The following SLF1 variants were observed in gnomAD, a reference collection of about 807,000 sequenced individuals.
SLF1 encodes SMC5-SMC6 complex localization factor protein 1.
Under a neutral mutation model 123.0 loss-of-function variants are expected in SLF1, and 105 were observed. The observed-to-expected ratio is 0.85, with a 90% CI of 0.73 to 1.00. SLF1 has a LOEUF of 1.00. Ranked by LOEUF, SLF1 falls within the 50% of genes least tolerant of loss-of-function variation. The pLI is 0.00. For missense variants in SLF1, 1,239 were observed against 1,223.0 expected, an observed-to-expected ratio of 1.01 and a Z score of -0.20; for synonymous variants, 434 against 406.6, an observed-to-expected ratio of 1.07 and a Z score of -0.81.
chr5:94,645,120 A>G (rs947566527), intron 5 of SLF1, among the ~76,000 whole-genome samples: 1 of 152,168 alleles, frequency 6.6e-6, no homozygotes, highest in African/African-American at 2.4e-5. Flanking sequence ...ATTTGAACCA[A>G]TTCTGATCAA....
intron 4 of SLF1, among the ~76,000 whole-genome samples, chr5:94,642,046 C>T (rs1746508051): frequency 6.6e-6 from 1 of 152,202 alleles, no homozygotes; most frequent in Non-Finnish European, 1.5e-5. Flanking sequence ...TTTTCCTAAC[C>T]CTTGCCTAAG....
rs147780769 is a variant in SLF1 at position 94,682,498 on chromosome 5, A to G, written c.1975+3543A>G. 6.2e-3 allele frequency among the ~76,000 whole-genome samples: 947 copies of G among 152,290 alleles called. 12 individuals carry two copies. The highest frequency in any genetic ancestry group is 9.6e-3 in the Non-Finnish European group (650 of 68,024). ...TGAAGATATCGGTCCATCTTTCTCA[A>G]TTATGGTAAACTGGATGTTCTAATA... On this transcript the variant is annotated intron_variant, in intron 15 of 20. Coordinates refer to ENST00000265140, the MANE Select transcript of SLF1 (RefSeq NM_032290.4).
In SLF1 at chr5:94,645,405, G is replaced by A. The variant is rs188203670; in HGVS notation, c.594+1970G>A. On this transcript the variant is annotated intron_variant, in intron 5 of 20. Coordinates refer to ENST00000265140, the MANE Select transcript of SLF1 (RefSeq NM_032290.4). ...CGATTAGATCACATTGCTTTTCTGTGTGGTAATTCATTTCCATGTTGTTTA... is the reference window on the plus strand; with the variant it reads ...CGATTAGATCACATTGCTTTTCTGTATGGTAATTCATTTCCATGTTGTTTA... Among the ~76,000 whole-genome samples the A allele has an allele frequency of 3.2e-4, 48 of 152,238 alleles. No individual in the cohort carries two copies. The East Asian group carries it at 8.1e-3, about 26-fold the overall frequency.
At chr5:94,630,012 C>G (rs1745034215) in intron 3 of SLF1, among the ~76,000 whole-genome samples, 1 of 152,076 alleles carries the variant, frequency 6.6e-6, no homozygotes, top group South Asian at 2.1e-4. Context: ...ATAAAATGAC[C>G]TGAAAAATTC....
At chr5:94,676,255 C>T (rs1652082067) in intron 14 of SLF1, among the ~76,000 whole-genome samples, 1 of 152,076 alleles carries the variant, frequency 6.6e-6, no homozygotes, top group African/African-American at 2.4e-5. Context: ...CTCTTGATAA[C>T]AGTGAGAAGT....
intron 15 of SLF1, among the ~76,000 whole-genome samples, chr5:94,680,115 T>TTA (rs1751593160): frequency 6.6e-6 from 1 of 152,204 alleles, no homozygotes; most frequent in Non-Finnish European, 1.5e-5. Context: ...TATCTTGATT[T>TTA]TATATAAAGA....
At chr5:94,629,358 T>C (rs1422131321) in intron 3 of SLF1, among the ~76,000 whole-genome samples, 191 bp downstream of exon 3, 1 of 152,104 alleles carries the variant, frequency 6.6e-6, no homozygotes, top group Non-Finnish European at 1.5e-5. Context: ...ATGAAAAATG[T>C]ATTAAATAGG....
At chr5:94,663,230 G>A (rs188357796) in intron 10 of SLF1, among the ~76,000 whole-genome samples, 3 of 152,190 alleles carry the variant, frequency 2.0e-5, no homozygotes, top group African/African-American at 7.2e-5. Context: ...GAAGGCAACA[G>A]AAAATAATTA....
chr5:94,627,588 A>ATATG (rs1561418884), intron 1 of SLF1, among the ~76,000 whole-genome samples: 1 of 74,564 alleles, frequency 1.3e-5, no homozygotes, highest in African/African-American at 7.2e-5. Flanking sequence ...AAATTAACAT[A>ATATG]TATATATATA....
chr5:94,681,544 T>C (rs1446232486), intron 15 of SLF1, among the ~76,000 whole-genome samples: 1 of 152,212 alleles, frequency 6.6e-6, no homozygotes, highest in East Asian at 1.9e-4. Context: ...ATGTGCACAA[T>C]GTGCAGGTAA....
intron 14 of SLF1, among the ~76,000 whole-genome samples, chr5:94,673,984 T>G (rs1750768411): frequency 6.6e-6 from 1 of 152,008 alleles, no homozygotes; most frequent in Admixed American, 6.6e-5. Flanking sequence ...AAGTATAATT[T>G]TGCAAATTAC....
chr5:94,625,718 G>A (rs1389960885), intron 1 of SLF1, among the ~76,000 whole-genome samples: 1 of 152,036 alleles, frequency 6.6e-6, no homozygotes, highest in Non-Finnish European at 1.5e-5. Context: ...TTTGCTTAAA[G>A]GATTTAAAGA....
chr5:94,668,082 T>C lies in SLF1; in HGVS notation c.1532+2058T>C, dbSNP rs189974633. ...CACTTCTCTTCTCTCTTCTCTCCTC[T>C]CTCCTCTCCTCTCTTCTCCTTTGTC... On this transcript the variant is annotated intron_variant, in intron 12 of 20. Coordinates refer to ENST00000265140, the MANE Select transcript of SLF1 (RefSeq NM_032290.4). Among the ~76,000 whole-genome samples the C allele has an allele frequency of 7.2e-5, 11 of 151,850 alleles. No individual in the cohort carries two copies. In the East Asian group the frequency reaches 1.8e-3, roughly 24 times the overall value.
At chr5:94,647,907 C>A (rs1451735) in intron 5 of SLF1, among the ~76,000 whole-genome samples, 33,837 of 152,016 alleles carry the variant, frequency 0.22, 3,883 homozygotes, top group East Asian at 0.34. Flanking sequence ...TCTTAATTTA[C>A]AGATTCATAT....
chr5:94,664,401 C>T (rs115302105), intron 11 of SLF1, among the ~76,000 whole-genome samples: 1,539 of 152,266 alleles, frequency 0.01, 10 homozygotes, highest in Non-Finnish European at 0.016. Context: ...CTCAAGTAGT[C>T]CCCCTGCTTC....
intron 3 of SLF1, 96 bp from the exon 4 acceptor site, chr5:94,630,407 A>G (rs1405084704): frequency 1.5e-6 from 2 of 1,360,076 alleles, no homozygotes; most frequent in African/African-American, 1.5e-5. Flanking sequence ...TAAGAGTCTT[A>G]TCTTGAAAAA....
chr5:94,644,848 C>T (rs1399704404), intron 5 of SLF1, among the ~76,000 whole-genome samples: 1 of 152,196 alleles, frequency 6.6e-6, no homozygotes, highest in East Asian at 1.9e-4. Flanking sequence ...CATCAGGCAT[C>T]GTGTCTGTCT....
At chr5:94,642,086 A>G (rs1001363929) in intron 4 of SLF1, among the ~76,000 whole-genome samples, 1 of 152,200 alleles carries the variant, frequency 6.6e-6, no homozygotes, top group Admixed American at 6.5e-5. Context: ...CACCCCTCCA[A>G]GAGAAGCAGT....
intron 1 of SLF1, among the ~76,000 whole-genome samples, chr5:94,627,600 A>ATG: frequency 1.6e-5 from 2 of 125,836 alleles, no homozygotes; most frequent in South Asian, 5.2e-4. Flanking sequence ...ATATATATAT[A>ATG]TATATATATA....
Sources: gnomAD v4.1 joint callset for allele counts (sites outside exome capture counted in the v4.1 genomes callset) on GRCh38, gnomAD v4.1.1 for gene constraint, MANE v1.5 for transcripts, NCBI Gene and HGNC (gene_info 2026-07-23, HGNC 2026-07-21) for gene names.